Variants in FOXP1 observed in about 807,000 individuals in gnomAD.
The protein encoded by FOXP1 is forkhead box protein P1.
Under a neutral mutation model 98.2 loss-of-function variants are expected in FOXP1, and 15 were observed. That is an observed-to-expected ratio of 0.15 (90% CI 0.10 to 0.24). The LOEUF is 0.24. FOXP1 is among the 10% of genes least tolerant of loss of function. FOXP1 has a pLI of 1.00. For missense variants in FOXP1, 633 were observed against 848.5 expected (o/e 0.75, Z 3.15); for synonymous variants, 371 against 314.5 (o/e 1.18, Z -1.90).
At chr3:71,049,397 T>C (rs1576430094) in intron 9 of FOXP1, among the ~76,000 whole-genome samples, 1 of 152,172 alleles carries the variant, frequency 6.6e-6, no homozygotes, top group East Asian at 1.9e-4. Context: ...TTCTGTCCAA[T>C]ATTCATGAGC....
At chr3:71,414,956 C>T (rs1290570990) in intron 3 of FOXP1, among the ~76,000 whole-genome samples, 2 of 152,138 alleles carry the variant, frequency 1.3e-5, no homozygotes, top group African/African-American at 2.4e-5. Context: ...CTGCATTTTC[C>T]CAGCACTTTG....
intron 6 of FOXP1, among the ~76,000 whole-genome samples, chr3:71,178,094 A>G (rs1324343498): frequency 6.7e-6 from 1 of 150,226 alleles, no homozygotes; most frequent in Non-Finnish European, 1.5e-5. Context: ...TCGGCCTCCC[A>G]AAGTGCTGGG....
chr3:71,184,355 G>A (rs533397967), intron 6 of FOXP1, among the ~76,000 whole-genome samples: 2 of 152,238 alleles, frequency 1.3e-5, no homozygotes, highest in East Asian at 1.9e-4. Flanking sequence ...AGCCCTATAA[G>A]GGGTTGTCTG....
chr3:71,345,656 A>G (rs1232534022), intron 4 of FOXP1, among the ~76,000 whole-genome samples: 1 of 152,014 alleles, frequency 6.6e-6, no homozygotes, highest in Non-Finnish European at 1.5e-5. Context: ...AGAGCCACCC[A>G]GAGTTCTCCA....
intron 14 of FOXP1, among the ~76,000 whole-genome samples, chr3:70,985,032 A>G (rs1278334847): frequency 1.3e-5 from 2 of 152,234 alleles, no homozygotes; most frequent in Non-Finnish European, 2.9e-5. Flanking sequence ...TTTAGTGAAA[A>G]GCAACATTTA....
At chr3:70,983,546 A>T (rs966327619) in intron 14 of FOXP1, among the ~76,000 whole-genome samples, 2 of 152,172 alleles carry the variant, frequency 1.3e-5, no homozygotes, top group African/African-American at 4.8e-5. Flanking sequence ...AAAATCTAAT[A>T]CTATATTTCA....
chr3:70,962,140 C>T (rs1234276817), intron 20 of FOXP1, among the ~76,000 whole-genome samples: 3 of 152,148 alleles, frequency 2.0e-5, no homozygotes, highest in African/African-American at 7.2e-5. Context: ...ATTGTAAATT[C>T]AGCAGGAATG....
At chr3:71,042,535 CA>C (rs1333507338) in intron 10 of FOXP1, among the ~76,000 whole-genome samples, 2 of 152,142 alleles carry the variant, frequency 1.3e-5, no homozygotes, top group African/African-American at 4.8e-5. Context: ...CAACAAGCAA[CA>C]AAACTTCCTT....
intron 17 of FOXP1, among the ~76,000 whole-genome samples, 179 bp from the exon 18 acceptor site, chr3:70,972,855 C>T (rs533100602): frequency 6.6e-6 from 1 of 152,256 alleles, no homozygotes; most frequent in African/African-American, 2.4e-5. Flanking sequence ...AAAAATAAAC[C>T]AAAATTATAA....
At position 71,314,094 on chromosome 3, in the gene FOXP1, GT is replaced by G. The variant is rs201928110; in HGVS notation, c.-72-14215del. 7.3e-3 allele frequency among the ~76,000 whole-genome samples: 1,113 copies of G among 152,294 alleles called. 29 individuals are homozygous for G. Among genetic ancestry groups the G allele is most frequent in the Non-Finnish European group, 4.7e-3 (319 of 68,024 alleles). ...TTTTGTAGAATAAATGCATTGACATGTCATAAGTACTTAGAATAGTGTATGG... is the reference window on the plus strand; with the variant it reads ...TTTTGTAGAATAAATGCATTGACATGCATAAGTACTTAGAATAGTGTATGG... On this transcript the variant is annotated intron_variant, in intron 4 of 20. Coordinates refer to ENST00000649528, the MANE Select transcript of FOXP1 (RefSeq NM_001349338.3).
At chr3:71,347,130 A>G (rs548193784) in intron 4 of FOXP1, among the ~76,000 whole-genome samples, 6 of 152,306 alleles carry the variant, frequency 3.9e-5, no homozygotes, top group Non-Finnish European at 7.4e-5. Flanking sequence ...GAAAGTAACT[A>G]TAAGAATTAA....
intron 3 of FOXP1, among the ~76,000 whole-genome samples, chr3:71,492,917 T>C (rs192640980): frequency 6.6e-6 from 1 of 152,312 alleles, no homozygotes; most frequent in African/African-American, 2.4e-5. Flanking sequence ...TAAATTATGA[T>C]ACAAAAAAAT....
chr3:71,232,605 A>C (rs561420913), intron 5 of FOXP1, among the ~76,000 whole-genome samples: 8 of 152,084 alleles, frequency 5.3e-5, no homozygotes, highest in Non-Finnish European at 1.0e-4. Context: ...AACAAAAAGA[A>C]GATAGGGTCA....
intron 7 of FOXP1, among the ~76,000 whole-genome samples, chr3:71,057,132 G>C (rs908110103): frequency 5.3e-5 from 8 of 152,064 alleles, no homozygotes; most frequent in African/African-American, 1.9e-4. Flanking sequence ...GAGTGCTTTA[G>C]CACTGAGAAA....
At chr3:71,512,563 A>G (rs952507011) in intron 2 of FOXP1, among the ~76,000 whole-genome samples, 1 of 152,250 alleles carries the variant, frequency 6.6e-6, no homozygotes, top group Non-Finnish European at 1.5e-5. Context: ...GAAAAGCAAT[A>G]GTAGTCCTCT....
chr3:71,198,421 A>AGGGGGGGG, intron 5 of FOXP1, 29 bp from the exon 6 acceptor site: 1 of 388,032 alleles, frequency 2.6e-6, no homozygotes, highest in Admixed American at 3.2e-5. Context: ...AGATGGGGGG[A>AGGGGGGGG]GGGAGGGGGG....
At chr3:71,082,474 CA>C (rs1210904884) in intron 7 of FOXP1, among the ~76,000 whole-genome samples, 48 of 128,818 alleles carry the variant, frequency 3.7e-4, no homozygotes, top group African/African-American at 1.3e-3. Flanking sequence ...CGGGGCCTGT[CA>C]GGGGGTGGGG....
In FOXP1 at chr3:71,469,616, C is replaced by T. The variant is rs908511489; in HGVS notation, c.-168+23810G>A. On this transcript the variant is annotated intron_variant, in intron 3 of 20. Coordinates refer to ENST00000649528, the MANE Select transcript of FOXP1 (RefSeq NM_001349338.3). ...CCACACAGAAATTCACATGGATTAC[C>T]AACTGGTAATTATGAAATCTTAGCT... Among the ~76,000 whole-genome samples the T allele has an allele frequency of 2.9e-4, 44 of 152,120 alleles. 2 individuals carry two copies. Among genetic ancestry groups the T allele is most frequent in the Non-Finnish European group, 2.9e-5 (2 of 68,034 alleles).
intron 13 of FOXP1, among the ~76,000 whole-genome samples, chr3:70,993,414 G>C (rs1052800807): frequency 6.6e-6 from 1 of 152,202 alleles, no homozygotes; most frequent in African/African-American, 2.4e-5. Context: ...GAAGCGTTAA[G>C]GCAGGATCCC....
Sources: allele counts gnomAD v4.1 joint callset (sites outside exome capture counted in the v4.1 genomes callset), GRCh38; gene constraint gnomAD v4.1.1; transcripts MANE v1.5; gene names NCBI Gene and HGNC (gene_info 2026-07-23, HGNC 2026-07-21).